The following AHCY variants were observed in gnomAD, a reference collection of about 807,000 sequenced individuals.
AHCY encodes the protein S-adenosyl-L-homocysteine hydrolase.
Under a neutral mutation model 45.4 loss-of-function variants are expected in AHCY, and 24 were observed. The ratio of observed to expected loss-of-function variants is 0.53; its 90% CI spans 0.38 to 0.74. The LOEUF (loss-of-function observed/expected upper bound fraction) is 0.74, where lower values mean the gene tolerates loss of function less well. Ranked by LOEUF, AHCY falls within the 30% of genes least tolerant of loss-of-function variation. The probability of loss-of-function intolerance (pLI) is 0.00; values close to 1 mark genes in which losing one functional copy is unlikely to be tolerated. For missense variants in AHCY, 449 were observed against 594.1 expected (o/e 0.76, Z 2.54); for synonymous variants, 245 against 235.1 (o/e 1.04, Z -0.39).
upstream of AHCY, among the ~76,000 whole-genome samples, chr20:34,306,965 CTT>C (rs964120211): frequency 5.7e-4 from 87 of 152,236 alleles, 1 homozygote; most frequent in African/African-American, 1.8e-3. Context: ...CATGAGGAAA[CTT>C]TGTGGTGATG....
At chr20:34,289,624 C>T (rs1290334577) in intron 8 of AHCY, among the ~76,000 whole-genome samples, 9 of 151,768 alleles carry the variant, frequency 5.9e-5, no homozygotes, top group Non-Finnish European at 1.0e-4. Context: ...ATTACAGGTG[C>T]CCGCCACCAC....
rs1026335003 is a variant in AHCY at position 34,281,180 on chromosome 20, AG to A, written c.1168-16del. 6.2e-7 allele frequency: 1 copy of A among 1,612,358 alleles called. No individual in the cohort carries two copies. Among genetic ancestry groups the A allele is most frequent in the Non-Finnish European group, 8.5e-7 (1 of 1,179,930 alleles). Reference sequence around the variant, plus strand: ...GCCTCATCCAGCTGGGGAGAAACAAAGGAAGACCGGGAATCAGTGCCATTTT... The same window carrying A: ...GCCTCATCCAGCTGGGGAGAAACAAAGAAGACCGGGAATCAGTGCCATTTT... On this transcript the variant is annotated splice_polypyrimidine_tract_variant and intron_variant, in intron 9 of 9. Transcript: ENST00000217426.
the AHCY span, among the ~76,000 whole-genome samples, chr20:34,245,669 G>T: frequency 6.6e-6 from 1 of 151,898 alleles, no homozygotes; most frequent in Non-Finnish European, 1.5e-5. Flanking sequence ...GATTACAGGC[G>T]TGAGCCACCA....
At chr20:34,245,315 C>A in the AHCY span, among the ~76,000 whole-genome samples, 10 of 130,084 alleles carry the variant, frequency 7.7e-5, 1 homozygote, top group Admixed American at 8.2e-4. Flanking sequence ...GCCTGGGCGA[C>A]AGTGTGAGAC....
At chr20:34,260,002 G>T in the AHCY span, among the ~76,000 whole-genome samples, 1 of 151,798 alleles carries the variant, frequency 6.6e-6, no homozygotes, top group African/African-American at 2.4e-5. Flanking sequence ...CCCTACTGGG[G>T]GCCTTTCAAC....
rs780044693 is a variant in AHCY, at chr20:34,281,108, G to A, written c.1225C>T (p.Leu409=). 1.2e-6 allele frequency: 2 copies of A among 1,614,122 alleles called. No individual in the cohort carries two copies. The highest frequency in any genetic ancestry group is 3.3e-5 in the Admixed American group (2 of 60,008). ...AGGTACTGGGCTTGCTTCTCAGTTA[G>A]CTTGGTCAACTTCACATTCAGCTTG... The part of the protein sequence containing the change: ...LGKLNVKLTK[L]TEKQAQYLGM... The change falls in exon 10 of 10, where the codon CTA becomes TTA. Residue 409 remains leucine (L), a synonymous_variant. Transcript: ENST00000217426.
chr20:34,259,922 T>C, the AHCY span, among the ~76,000 whole-genome samples: 1 of 152,108 alleles, frequency 6.6e-6, no homozygotes. Flanking sequence ...TACCTCTTCA[T>C]CTTTCTCACT....
chr20:34,310,953 C>A (rs904042455), intron 1 of AHCY, among the ~76,000 whole-genome samples: 1 of 152,128 alleles, frequency 6.6e-6, no homozygotes, highest in Non-Finnish European at 1.5e-5. Flanking sequence ...TGGCGAAATC[C>A]CATCTCTACT....
chr20:34,277,550 G>A (rs965892392), downstream of AHCY, among the ~76,000 whole-genome samples: 9 of 151,746 alleles, frequency 5.9e-5, no homozygotes, highest in Non-Finnish European at 1.3e-4. Flanking sequence ...GGCAGATCAC[G>A]AGGTCAGGAG....
chr20:34,252,381 T>C, the AHCY span, among the ~76,000 whole-genome samples: 1 of 152,088 alleles, frequency 6.6e-6, no homozygotes, highest in African/African-American at 2.4e-5. Flanking sequence ...GCAAAGGAAT[T>C]AGTATCATGA....
rs2036325641 is a variant in AHCY, at chr20:34,290,152, T to A, written c.972+180A>T. Among the ~76,000 whole-genome samples, 1 of 152,202 alleles carries A rather than the reference T, an allele frequency of 6.6e-6. No homozygotes were observed. The highest frequency in any genetic ancestry group is 1.5e-5 in the Non-Finnish European group (1 of 68,022). On this transcript the variant is annotated intron_variant, in intron 8 of 9. Transcript: ENST00000217426. This position sits in a 1 kb window ranked among gnomAD's most constrained non-coding sequence, Gnocchi z 4.5. ...CATACAGCTCACCTGCCTGATACCTTCAGGGATGCCGGCTGCCCACAGGAT... is the reference window on the plus strand; with the variant it reads ...CATACAGCTCACCTGCCTGATACCTACAGGGATGCCGGCTGCCCACAGGAT...
the AHCY span, among the ~76,000 whole-genome samples, chr20:34,260,782 T>C: frequency 6.6e-6 from 1 of 152,256 alleles, no homozygotes; most frequent in African/African-American, 2.4e-5. Flanking sequence ...AGACACTTGG[T>C]GAACTTTGTT....
the AHCY span, among the ~76,000 whole-genome samples, chr20:34,265,634 T>G: frequency 6.6e-6 from 1 of 151,526 alleles, no homozygotes; most frequent in Non-Finnish European, 1.5e-5. Flanking sequence ...TCACTTACCA[T>G]AAATAGAAGG....
chr20:34,277,698 T>C (rs2035920091), downstream of AHCY, among the ~76,000 whole-genome samples: 1 of 133,096 alleles, frequency 7.5e-6, no homozygotes, highest in South Asian at 2.2e-4. Context: ...GAGCTTGCAG[T>C]GAGCCGAGAT....
chr20:34,254,447 C>T, the AHCY span, among the ~76,000 whole-genome samples: 10 of 152,276 alleles, frequency 6.6e-5, no homozygotes, highest in East Asian at 1.7e-3. Flanking sequence ...GATCCAAAAA[C>T]GTTTACCTGT....
At chr20:34,298,673 T>C (rs112235687) in intron 1 of AHCY, among the ~76,000 whole-genome samples, 26 of 151,626 alleles carry the variant, frequency 1.7e-4, no homozygotes, top group African/African-American at 6.0e-4. Flanking sequence ...CCACCTCTTG[T>C]AGAGGGCCTG....
chr20:34,240,169 A>C, the AHCY span, among the ~76,000 whole-genome samples: 2 of 152,222 alleles, frequency 1.3e-5, no homozygotes, highest in African/African-American at 4.8e-5. Context: ...AGAAAAAAGA[A>C]GCATTTGGGA....
At chr20:34,297,103 C>G (rs911150720) in intron 1 of AHCY, among the ~76,000 whole-genome samples, 2 of 152,012 alleles carry the variant, frequency 1.3e-5, no homozygotes, top group African/African-American at 2.4e-5. Context: ...AAGGCTGTGG[C>G]CTGTCAGGTG....
chr20:34,260,332 C>A, the AHCY span: 1 of 1,593,170 alleles, frequency 6.3e-7, no homozygotes. Flanking sequence ...ACCCCTGACC[C>A]ACCCACCTGA....
Sources: gnomAD v4.1 joint callset for allele counts (sites outside exome capture counted in the v4.1 genomes callset) on GRCh38, gnomAD v4.1.1 for gene constraint, Gnocchi (gnomAD v3.1) non-coding constraint, MANE v1.5 for transcripts, NCBI Gene and HGNC (gene_info 2026-07-23, HGNC 2026-07-21) for gene names.